SZRD1: variants seen among roughly 807,000 people sequenced by gnomAD.
The protein encoded by SZRD1 is SUZ RNA-binding domain-containing.
Under a neutral mutation model 17.6 loss-of-function variants are expected in SZRD1, and 7 were observed. The observed-to-expected ratio is 0.40, with a 90% CI of 0.23 to 0.75. SZRD1 has a LOEUF of 0.75. SZRD1 is among the 30% of genes least tolerant of loss of function. SZRD1 has a pLI of 0.38. For missense variants in SZRD1, 178 were observed against 201.8 expected (o/e 0.88, Z 0.71); for synonymous variants, 77 against 77.9 (o/e 0.99, Z 0.06).
At chr1:16,380,178 AC>A (rs1467816408) in intron 1 of SZRD1, among the ~76,000 whole-genome samples, 1 of 152,214 alleles carries the variant, frequency 6.6e-6, no homozygotes, top group Admixed American at 6.5e-5. Context: ...TTGCCATCTT[AC>A]AAAAAATGGT....
chr1:16,384,831 A>G (rs952441784), intron 1 of SZRD1, among the ~76,000 whole-genome samples: 2 of 152,166 alleles, frequency 1.3e-5, no homozygotes, highest in Non-Finnish European at 2.9e-5. Flanking sequence ...TGTGCTCTCC[A>G]GGTTCCTGTC....
At chr1:16,387,965 C>T (rs925996488) in intron 1 of SZRD1, among the ~76,000 whole-genome samples, 10 of 152,126 alleles carry the variant, frequency 6.6e-5, no homozygotes, top group South Asian at 2.1e-4. Flanking sequence ...ACATCCAGGT[C>T]GTTCTCTTAT....
At chr1:16,370,384 G>A (rs1432429796) in intron 1 of SZRD1, among the ~76,000 whole-genome samples, 2 of 151,388 alleles carry the variant, frequency 1.3e-5, no homozygotes, top group Non-Finnish European at 2.9e-5. Context: ...ATGCTACCAC[G>A]CCCAGCTAAT....
chr1:16,374,922 G>C (rs11802415), intron 1 of SZRD1, among the ~76,000 whole-genome samples: 4,099 of 152,268 alleles, frequency 0.027, 181 homozygotes, highest in African/African-American at 0.091. Flanking sequence ...CTGTCGCCGA[G>C]GCTGGAGTGC....
chr1:16,390,135 A>G (rs1011683855), intron 1 of SZRD1, among the ~76,000 whole-genome samples: 1 of 152,202 alleles, frequency 6.6e-6, no homozygotes, highest in African/African-American at 2.4e-5. Context: ...TTCCATCTCC[A>G]TTAGAGCTAG....
intron 1 of SZRD1, among the ~76,000 whole-genome samples, chr1:16,385,300 A>G (rs1385686919): frequency 6.6e-6 from 1 of 152,118 alleles, no homozygotes; most frequent in East Asian, 1.9e-4. Context: ...CAGATCAGGC[A>G]CCAGAAAGGG....
chr1:16,375,198 G>A (rs750942560), intron 1 of SZRD1, among the ~76,000 whole-genome samples: 4 of 152,032 alleles, frequency 2.6e-5, no homozygotes, highest in African/African-American at 7.2e-5. Flanking sequence ...TCTTAAAACC[G>A]TTTGCTCCTA....
At chr1:16,390,657 G>A (rs998554136) in intron 1 of SZRD1, 3 of 152,142 alleles carry the variant, frequency 2.0e-5, no homozygotes, top group East Asian at 1.9e-4. Flanking sequence ...GTTCAAGTCC[G>A]TAACAGTAAA....
chr1:16,384,558 A>T (rs145928193), intron 1 of SZRD1, among the ~76,000 whole-genome samples: 1 of 152,074 alleles, frequency 6.6e-6, no homozygotes, highest in Non-Finnish European at 1.5e-5. Flanking sequence ...TATTTGTGGT[A>T]TGGGAAACAA....
Position 16,397,361 on chromosome 1 carries a change from CTG to C in SZRD1, c.*2223_*2224del, listed in dbSNP as rs923561526. On this transcript the variant is annotated 3_prime_UTR_variant, in exon 4 of 4. Coordinates refer to ENST00000401088, the MANE Select transcript of SZRD1 (RefSeq NM_001114600.3). This position sits in a 1 kb window ranked among gnomAD's most constrained non-coding sequence, Gnocchi z 5.4. The stretch of plus-strand genomic sequence containing the variant: ...TTTTAAAAAGAAAGAAAACAGGAAA[CTG>C]TATTGTGTCGGGGGAGGCGGGAGGG... The C allele has an allele frequency of 7.9e-5, 12 of 152,268 alleles. No individual in the cohort carries two copies. The highest frequency in any genetic ancestry group is 1.6e-4 in the Non-Finnish European group (11 of 68,064). 9.4% of individuals were successfully genotyped at this position (152,268 alleles called of 1,614,324 possible).
chr1:16,372,280 G>A (rs959466707), intron 1 of SZRD1, among the ~76,000 whole-genome samples: 3 of 152,020 alleles, frequency 2.0e-5, no homozygotes, highest in Admixed American at 6.6e-5. Context: ...CAAGACCAGC[G>A]TGGCCAACAT....
At chr1:16,379,712 C>T (rs961482963) in intron 1 of SZRD1, among the ~76,000 whole-genome samples, 1 of 150,690 alleles carries the variant, frequency 6.6e-6, no homozygotes, top group Non-Finnish European at 1.5e-5. Flanking sequence ...ATTGATTCCT[C>T]TTCATTTGTA....
rs1226877821 is a variant in SZRD1 at position 16,395,417 on chromosome 1, A to T, written c.*277A>T. ...TGGGGGTTAGGGGAAGGTTGGGGGGACCCAGCAAGGACTCAGAGAGTCAGA... is the reference window on the plus strand; with the variant it reads ...TGGGGGTTAGGGGAAGGTTGGGGGGTCCCAGCAAGGACTCAGAGAGTCAGA... On this transcript the variant is annotated 3_prime_UTR_variant, in exon 4 of 4. Coordinates refer to ENST00000401088, the MANE Select transcript of SZRD1 (RefSeq NM_001114600.3). 2.2e-6 allele frequency: 1 copy of T among 455,768 alleles called. No individual in the cohort carries two copies. The highest frequency in any genetic ancestry group is 2.0e-5 in the African/African-American group (1 of 50,612). The allele number at this position is 455,768 out of a possible 1,614,324, so 28.2% of individuals were successfully genotyped here. A position where few individuals can be genotyped will look rare whatever the true frequency, so the allele number is the denominator to read the frequency against.
rs1393588235 is a variant in SZRD1, at chr1:16,369,588, T to A, written c.51+2280T>A. 7 of 645,688 alleles carry A rather than the reference T, an allele frequency of 1.1e-5. No individual in the cohort carries two copies. In the East Asian group the frequency reaches 1.9e-4, roughly 18 times the overall value. 40.0% of individuals were successfully genotyped at this position (645,688 alleles called of 1,614,324 possible). On this transcript the variant is annotated intron_variant, in intron 1 of 3. Coordinates refer to ENST00000401088, the MANE Select transcript of SZRD1 (RefSeq NM_001114600.3). ...TCTGCTATCCCTTACTTTAGTAATA[T>A]CCTTTAAAAATGTACCGCGGCCAGG...
chr1:16,384,375 CAAA>C (rs58963543), intron 1 of SZRD1, among the ~76,000 whole-genome samples: 22 of 110,934 alleles, frequency 2.0e-4, no homozygotes, highest in Non-Finnish European at 1.7e-4. Context: ...CCGTCTCCAC[CAAA>C]AAAAAAAAAA....
intron 1 of SZRD1, chr1:16,387,944 G>T (rs1570036842): frequency 3.1e-6 from 1 of 322,304 alleles, no homozygotes; most frequent in Non-Finnish European, 6.0e-6. Flanking sequence ...GTGTTTGTCA[G>T]TTCACAGAAA....
At chr1:16,367,501 C>T (rs1458021594) in intron 1 of SZRD1, among the ~76,000 whole-genome samples, 193 bp downstream of exon 1, 1 of 152,200 alleles carries the variant, frequency 6.6e-6, no homozygotes, top group Non-Finnish European at 1.5e-5. Context: ...TCTCTCCTTT[C>T]CTTTGCCTGG....
intron 1 of SZRD1, chr1:16,369,075 C>T (rs1356432831): frequency 6.6e-6 from 2 of 303,514 alleles, no homozygotes; most frequent in Non-Finnish European, 1.2e-5. Context: ...ACGCTTGTCG[C>T]GTGTTCTTTC....
intron 1 of SZRD1, among the ~76,000 whole-genome samples, chr1:16,375,344 TTCTC>T (rs1264611894): frequency 7.9e-5 from 12 of 151,222 alleles, no homozygotes; most frequent in East Asian, 2.0e-4. Context: ...GAGAAGGAGT[TTCTC>T]TCTGTCACCC....
Sources: allele counts gnomAD v4.1 joint callset (sites outside exome capture counted in the v4.1 genomes callset), GRCh38; gene constraint gnomAD v4.1.1; non-coding constraint Gnocchi (gnomAD v3.1); transcripts MANE v1.5; gene names NCBI Gene and HGNC (gene_info 2026-07-23, HGNC 2026-07-21).